CSPG4: variants seen among roughly 807,000 people sequenced by gnomAD.
The protein encoded by CSPG4 is chondroitin sulfate proteoglycan 4.
Under a neutral mutation model 139.3 loss-of-function variants are expected in CSPG4, and 74 were observed. The observed-to-expected ratio is 0.53, with a 90% CI of 0.44 to 0.64. The LOEUF (loss-of-function observed/expected upper bound fraction) is 0.64, where lower values mean the gene tolerates loss of function less well. Ranked by LOEUF, CSPG4 falls within the 30% of genes least tolerant of loss-of-function variation. The pLI is 0.00. For missense variants in CSPG4, 2,565 were observed against 3,148.3 expected (o/e 0.81, Z 4.43); for synonymous variants, 1,234 against 1,394.2 (o/e 0.89, Z 2.56).
At position 75,682,706 on chromosome 15, in the gene CSPG4, C is replaced by G; in HGVS notation, c.4684G>C (p.Asp1562His). Residue 1562 changes from aspartate to histidine, a missense_variant, in exon 7 of 10, where the codon GAC (aspartate) becomes CAC (histidine). Transcript: ENST00000308508. Reference sequence around the variant, plus strand: ...TGTCCGGGGGAAGTGTGCTCGCCGTCAGAGAGGCGGAAGCGGAAGCCTCCA... The same window carrying G: ...TGTCCGGGGGAAGTGTGCTCGCCGTGAGAGAGGCGGAAGCGGAAGCCTCCA... The part of the protein sequence containing the change: ...LDGGFRFRLS[D>H]GEHTSPGHFF... 1 of 1,612,990 alleles carries G rather than the reference C, an allele frequency of 6.2e-7. No individual in the cohort carries two copies. The highest frequency in any genetic ancestry group is 1.1e-5 in the South Asian group (1 of 91,082).
chr15:75,686,785 G>A (rs1466165243), intron 3 of CSPG4, among the ~76,000 whole-genome samples: 2 of 152,236 alleles, frequency 1.3e-5, no homozygotes, highest in Non-Finnish European at 2.9e-5. Context: ...CAGTGAGCCT[G>A]CTGGAGGGCC....
chr15:75,712,750 C>T lies in CSPG4; in HGVS notation c.6G>A (p.Gln2=), dbSNP rs1343111437. 53 of 1,547,216 alleles carry T rather than the reference C, an allele frequency of 3.4e-5. No individual in the cohort carries two copies. The highest frequency in any genetic ancestry group is 4.6e-5 in the Non-Finnish European group (53 of 1,145,674). The change falls in exon 1 of 10, where the codon CAG becomes CAA. Residue 2 remains glutamine, a synonymous_variant. Coordinates refer to ENST00000308508, the MANE Select transcript of CSPG4 (RefSeq NM_001897.5). ...CTGGAAGTGGGGGCCGCGGCCCGGA[C>T]TGCATCCCGGCGGGCTGGGCGGCAG... The part of the protein sequence containing the change: M[Q]SGPRPPLPAP...
chr15:75,677,542 G>A (rs1317375712), intron 9 of CSPG4, among the ~76,000 whole-genome samples, 158 bp from the exon 10 acceptor site: 1 of 152,208 alleles, frequency 6.6e-6, no homozygotes, highest in Non-Finnish European at 1.5e-5. Flanking sequence ...TAAGGACTAT[G>A]TCCCCGCTGT....
Position 75,698,614 on chromosome 15 carries a change from C to T in CSPG4, c.89-5381G>A, listed in dbSNP as rs542443221. Among the ~76,000 whole-genome samples the T allele has an allele frequency of 9.2e-5, 14 of 152,200 alleles. No individual in the cohort carries two copies. In the South Asian group the frequency reaches 1.9e-3, roughly 20 times the overall value. ...CGGCAAGGCAGGCGAGGAAGGGGTGCGCTGGGTCCCTGGTCTGGCCCCACT... is the reference window on the plus strand; with the variant it reads ...CGGCAAGGCAGGCGAGGAAGGGGTGTGCTGGGTCCCTGGTCTGGCCCCACT... On this transcript the variant is annotated intron_variant, in intron 1 of 9. Transcript: ENST00000308508. This position sits in a 1 kb window ranked among gnomAD's most constrained non-coding sequence, Gnocchi z 4.3.
Position 75,682,721 on chromosome 15 carries a change from G to A in CSPG4, c.4669C>T (p.Arg1557Cys), listed in dbSNP as rs763273863. The change falls in exon 7 of 10, where the codon CGC becomes TGC. Residue 1557 changes from arginine to cysteine, a missense_variant. Arg to Cys is a radical substitution (Grantham distance 180). Around this residue, in one of 5 missense-constraint regions of CSPG4, gnomAD observed 2,316 missense variants for 2,818.2 expected, o/e 0.82. Coordinates refer to ENST00000308508, the MANE Select transcript of CSPG4 (RefSeq NM_001897.5). ...SHRGTLDGGF[R>C]FRLSDGEHTS... ...TGCTCGCCGTCAGAGAGGCGGAAGCGGAAGCCTCCATCCAGGGTTCCTGGG... is the reference window on the plus strand; with the variant it reads ...TGCTCGCCGTCAGAGAGGCGGAAGCAGAAGCCTCCATCCAGGGTTCCTGGG... 8.7e-6 allele frequency: 14 copies of A among 1,612,808 alleles called. No individual in the cohort carries two copies. Among genetic ancestry groups the A allele is most frequent in the South Asian group, 7.7e-5 (7 of 91,092 alleles).
intron 8 of CSPG4, chr15:75,678,528 A>ATAGCTTTTT: frequency 2.6e-6 from 1 of 386,538 alleles, no homozygotes; most frequent in Non-Finnish European, 5.2e-6. Context: ...ATTTTTTTTT[A>ATAGCTTTTT]TTGTTTGTTG....
At position 75,676,268 on chromosome 15, in the gene CSPG4, C is replaced by T. The variant is rs748852860; in HGVS notation, c.6251G>A (p.Arg2084His). The stretch of plus-strand genomic sequence containing the variant: ...GCCATGCCGGGGTCCCTCCAGGAGG[C>T]GGAAGCGCGGCACACTGCCTGTGCG... ...ANRTGSVPRF[R>H]LLEGPRHGRV... Residue 2084 changes from arginine to histidine, a missense_variant, in exon 10 of 10, where the codon CGC (arginine) becomes CAC (histidine). Physicochemically the swap from Arg to His is conservative, Grantham distance 29. Transcript: ENST00000308508. 9.5e-6 allele frequency: 15 copies of T among 1,574,958 alleles called. No individual in the cohort carries two copies. The highest frequency in any genetic ancestry group is 1.1e-5 in the South Asian group (1 of 88,404).
intron 2 of CSPG4, among the ~76,000 whole-genome samples, chr15:75,692,777 C>T (rs1894181583): frequency 6.6e-6 from 1 of 152,160 alleles, no homozygotes; most frequent in Non-Finnish European, 1.5e-5. Context: ...AAGAGCCTGG[C>T]AGCAAGCGAC....
intron 5 of CSPG4, among the ~76,000 whole-genome samples, chr15:75,683,952 C>T (rs1894016871): frequency 6.6e-6 from 1 of 152,188 alleles, no homozygotes; most frequent in African/African-American, 2.4e-5. Context: ...GGTTCCAGAG[C>T]ACTGTGTCCC....
Position 75,675,426 on chromosome 15 carries a change from C to G in CSPG4, c.*124G>C, listed in dbSNP as rs1043530968. ...GACTATCTCCCAGGACCCTCCACCC[C>G]TGGTGTCTCCAGGTCTCTCTTGCTC... is the stretch of plus-strand genomic sequence containing the variant. On this transcript the variant is annotated 3_prime_UTR_variant, in exon 10 of 10. Transcript: ENST00000308508. 1 of 1,108,794 alleles carries G rather than the reference C, an allele frequency of 9.0e-7. No homozygotes were observed. The highest frequency in any genetic ancestry group is 1.6e-5 in the African/African-American group (1 of 62,370). 68.7% of individuals were successfully genotyped at this position (1,108,794 alleles called of 1,614,324 possible).
At chr15:75,713,066 T>G (rs1247976879), upstream of CSPG4, among the ~76,000 whole-genome samples, 1 of 152,100 alleles carries the variant, frequency 6.6e-6, no homozygotes, top group Non-Finnish European at 1.5e-5. Flanking sequence ...AACAAAGTCA[T>G]AGAGAGGCCC....
intron 1 of CSPG4, among the ~76,000 whole-genome samples, chr15:75,706,506 C>A (rs898324263): frequency 6.6e-6 from 1 of 152,090 alleles, no homozygotes; most frequent in Non-Finnish European, 1.5e-5. Flanking sequence ...GGTCATGAAC[C>A]GGGGACAGAG....
chr15:75,707,029 C>T (rs1162273097), intron 1 of CSPG4, among the ~76,000 whole-genome samples: 1 of 150,674 alleles, frequency 6.6e-6, no homozygotes, highest in Non-Finnish European at 1.5e-5. Context: ...GCGATCTTAG[C>T]TCACTGCAAC....
At chr15:75,704,677 C>T (rs957714873) in intron 1 of CSPG4, among the ~76,000 whole-genome samples, 1 of 152,172 alleles carries the variant, frequency 6.6e-6, no homozygotes, top group African/African-American at 2.4e-5. Context: ...GTCCCTGCCC[C>T]GAGCTGTGCA....
chr15:75,677,644 C>T, intron 9 of CSPG4, 59 bp downstream of exon 9: 1 of 1,519,068 alleles, frequency 6.6e-7, no homozygotes, highest in Non-Finnish European at 8.8e-7. Context: ...GTGTCCCCTC[C>T]TCCTGGGCCT....
At chr15:75,686,643 T>A (rs1894063560) in intron 3 of CSPG4, among the ~76,000 whole-genome samples, 1 of 152,260 alleles carries the variant, frequency 6.6e-6, no homozygotes, top group African/African-American at 2.4e-5. Flanking sequence ...GAGGCCTTCC[T>A]GACTCCAGAT....
rs758855351 is a variant in CSPG4 at position 75,690,499 on chromosome 15, T to C, written c.566A>G (p.His189Arg). 3.7e-6 allele frequency: 6 copies of C among 1,609,524 alleles called. No individual in the cohort carries two copies. Among genetic ancestry groups the C allele is most frequent in the East Asian group, 2.2e-5 (1 of 44,850 alleles). Residue 189 changes from histidine (H) to arginine (R), a missense_variant, in exon 3 of 10, where the codon CAT (histidine) becomes CGT (arginine). His to Arg is a conservative substitution (Grantham distance 29). Coordinates refer to ENST00000308508, the MANE Select transcript of CSPG4 (RefSeq NM_001897.5). ...AGAAAACTCTTCAGCACAGCCCTCA[T>C]GCACATCGGGGGTCAGAGGCCGGAG... ...SLLRPLTPDV[H>R]EGCAEEFSAS...
At chr15:75,711,108 C>T (rs547938427) in intron 1 of CSPG4, among the ~76,000 whole-genome samples, 92 of 152,220 alleles carry the variant, frequency 6.0e-4, no homozygotes, top group African/African-American at 2.1e-3. Flanking sequence ...TCTGAGTCAG[C>T]GCCCCTGCCT....
chr15:75,711,991 G>A (rs534928384), intron 1 of CSPG4, among the ~76,000 whole-genome samples: 2 of 151,574 alleles, frequency 1.3e-5, no homozygotes, highest in South Asian at 2.1e-4. Flanking sequence ...GACAAGCCCC[G>A]CTGAGGGGCA....
Sources: gnomAD v4.1 joint callset for allele counts (sites outside exome capture counted in the v4.1 genomes callset) on GRCh38, gnomAD v4.1.1 for gene constraint, gnomAD v4.1.1 regional missense constraint, Gnocchi (gnomAD v3.1) non-coding constraint, MANE v1.5 for transcripts, NCBI Gene and HGNC (gene_info 2026-07-23, HGNC 2026-07-21) for gene names.